The following APOBEC3D variants were observed in gnomAD, a reference collection of about 807,000 sequenced individuals.
The protein encoded by APOBEC3D is apolipoprotein B mRNA editing enzyme catalytic subunit 3D, also known as DNA dC->dU-editing enzyme APOBEC-3D.
A neutral mutation model predicts 45.6 loss-of-function variants in APOBEC3D; 37 were observed. The ratio of observed to expected loss-of-function variants is 0.81; its 90% CI spans 0.62 to 1.07. The LOEUF is 1.07. Among genes scored for constraint, APOBEC3D ranks in the 50% least tolerant of loss-of-function variants. The probability of loss-of-function intolerance (pLI) is 0.00; values close to 1 mark genes in which losing one functional copy is unlikely to be tolerated. For missense variants in APOBEC3D, 496 were observed against 495.3 expected (o/e 1.00, Z -0.01); for synonymous variants, 175 against 180.7 (o/e 0.97, Z 0.25).
chr22:39,024,174 C>T lies in APOBEC3D; in HGVS notation c.211-896C>T, dbSNP rs79202937. On this transcript the variant is annotated intron_variant, in intron 2 of 6. Transcript: ENST00000216099. ...ACGCTGATTAACATAAAATTCTTCG[C>T]GAGATAGTGAAGTTTCTTTTTCTTC... is the stretch of plus-strand genomic sequence containing the variant. Among the ~76,000 whole-genome samples, 979 of 152,332 alleles carry T rather than the reference C, an allele frequency of 6.4e-3. 16 individuals carry two copies. The East Asian group carries it at 0.068, about 11-fold the overall frequency.
intron 1 of APOBEC3D, among the ~76,000 whole-genome samples, chr22:39,022,538 G>A (rs1317754304): frequency 1.3e-5 from 2 of 152,218 alleles, no homozygotes; most frequent in Non-Finnish European, 2.9e-5. Flanking sequence ...TTCCTAATGG[G>A]TTGGGGAGTG....
Position 39,025,304 on chromosome 22 carries a change from A to C in APOBEC3D, c.445A>C (p.Arg149=). The C allele has an allele frequency of 6.2e-7, 1 of 1,614,066 alleles. No individual in the cohort carries two copies. Among genetic ancestry groups the C allele is most frequent in the Non-Finnish European group, 8.5e-7 (1 of 1,179,998 alleles). ...TAGAGATTGGCGGTGGGTGCTCCTCAGGCTGCATAAGGCAGGGGCCCGTGT... is the reference window on the plus strand; with the variant it reads ...TAGAGATTGGCGGTGGGTGCTCCTCCGGCTGCATAAGGCAGGGGCCCGTGT... The part of the protein sequence containing the change: ...RDRDWRWVLL[R]LHKAGARVKI... The change falls in exon 3 of 7, where the codon AGG becomes CGG. Residue 149 remains arginine (R), a synonymous_variant. Transcript: ENST00000216099.
At chr22:39,029,145 G>A (rs2146325068) in intron 4 of APOBEC3D, among the ~76,000 whole-genome samples, 1 of 152,268 alleles carries the variant, frequency 6.6e-6, no homozygotes, top group South Asian at 2.1e-4. Context: ...CCCAGAGCTG[G>A]GGTTCCAGCT....
Position 39,032,410 on chromosome 22 carries a change from T to C in APOBEC3D, c.*94T>C. On this transcript the variant is annotated 3_prime_UTR_variant, in exon 7 of 7. Coordinates refer to ENST00000216099, the MANE Select transcript of APOBEC3D (RefSeq NM_152426.4). ...ATCCTGCACCAGCTGTGCTTTTGCC[T>C]GGTCATCCTGAGCCCCTCCTGGCCT... 1 of 1,552,368 alleles carries C rather than the reference T, an allele frequency of 6.4e-7. No individual in the cohort carries two copies. The highest frequency in any genetic ancestry group is 1.2e-5 in the South Asian group (1 of 81,672).
intron 5 of APOBEC3D, 127 bp downstream of exon 5, chr22:39,029,646 T>C: frequency 8.1e-7 from 1 of 1,235,192 alleles, no homozygotes; most frequent in East Asian, 2.6e-5. Context: ...TCTTTCTTTT[T>C]TTTTTTTTTA....
At chr22:39,025,823 T>A in intron 4 of APOBEC3D, 152 bp downstream of exon 4, 1 of 1,463,988 alleles carries the variant, frequency 6.8e-7, no homozygotes, top group South Asian at 1.3e-5. Flanking sequence ...TCATGCTCCC[T>A]CCACCTTGGT....
At chr22:39,022,420 A>G (rs1451594199) in intron 1 of APOBEC3D, among the ~76,000 whole-genome samples, 1 of 152,274 alleles carries the variant, frequency 6.6e-6, no homozygotes, top group Non-Finnish European at 1.5e-5. Context: ...CGGTTCTACC[A>G]TGATTTTAAA....
At position 39,021,476 on chromosome 22, in the gene APOBEC3D, A is replaced by C. The variant is rs774099387; in HGVS notation, c.-44A>C. 1.2e-6 allele frequency: 2 copies of C among 1,613,464 alleles called. No individual in the cohort carries two copies. Among genetic ancestry groups the C allele is most frequent in the South Asian group, 2.2e-5 (2 of 91,080 alleles). On this transcript the variant is annotated 5_prime_UTR_variant, in exon 1 of 7. Coordinates refer to ENST00000216099, the MANE Select transcript of APOBEC3D (RefSeq NM_152426.4). Reference sequence around the variant, plus strand: ...GCAGGAAGTGAAACCACAGCACTTCAAAAAAAGAGGGAGACTGGGACAAGC... The same window carrying C: ...GCAGGAAGTGAAACCACAGCACTTCCAAAAAAGAGGGAGACTGGGACAAGC...
At chr22:39,023,940 A>G (rs1029295208) in intron 2 of APOBEC3D, among the ~76,000 whole-genome samples, 1 of 151,492 alleles carries the variant, frequency 6.6e-6, no homozygotes, top group Non-Finnish European at 1.5e-5. Flanking sequence ...CCCTCCACCC[A>G]GGGAGGAGAC....
At chr22:39,024,047 A>C (rs1373200857) in intron 2 of APOBEC3D, among the ~76,000 whole-genome samples, 1 of 152,212 alleles carries the variant, frequency 6.6e-6, no homozygotes, top group African/African-American at 2.4e-5. Flanking sequence ...TCAGGAATGA[A>C]GCACAAGTGT....
chr22:39,031,725 G>A lies in APOBEC3D; in HGVS notation c.794G>A (p.Arg265Lys). The part of the protein sequence containing the change: ...VDPETHCHAE[R>K]CFLSWFCDDI... ...CCTGAGACCCATTGTCATGCAGAAA[G>A]GTGCTTCCTCTCTTGGTTCTGTGAC... Residue 265 changes from arginine (R) to lysine (K), a missense_variant, in exon 6 of 7, where the codon AGG becomes AAG. Physicochemically the swap from Arg to Lys is conservative, Grantham distance 26 (BLOSUM62 2). Transcript: ENST00000216099. 1.2e-6 allele frequency: 2 copies of A among 1,612,826 alleles called. No individual in the cohort carries two copies. Among genetic ancestry groups the A allele is most frequent in the Non-Finnish European group, 1.7e-6 (2 of 1,178,906 alleles).
At chr22:39,028,082 G>T (rs1211537476) in intron 4 of APOBEC3D, among the ~76,000 whole-genome samples, 1 of 152,124 alleles carries the variant, frequency 6.6e-6, no homozygotes, top group Non-Finnish European at 1.5e-5. Context: ...GAGAGGGTGT[G>T]GGGGAGGAAA....
At chr22:39,023,586 A>T (rs1925339965) in intron 2 of APOBEC3D, among the ~76,000 whole-genome samples, 1 of 151,666 alleles carries the variant, frequency 6.6e-6, no homozygotes, top group African/African-American at 2.4e-5. Context: ...AGCAGGGATT[A>T]CAGGTGCACG....
At chr22:39,029,747 G>A (rs1203975429) in intron 5 of APOBEC3D, among the ~76,000 whole-genome samples, 5 of 151,448 alleles carry the variant, frequency 3.3e-5, no homozygotes, top group East Asian at 1.9e-4. Context: ...ACAGGTGCCC[G>A]CCACCACACT....
Position 39,033,233 on chromosome 22 carries a change from T to TA in APOBEC3D, c.*918dup. 5 of 975,452 alleles carry TA rather than the reference T, an allele frequency of 5.1e-6. No individual in the cohort carries two copies. The highest frequency in any genetic ancestry group is 6.1e-6 in the Non-Finnish European group (5 of 821,002). 60.4% of individuals were successfully genotyped at this position (975,452 alleles called of 1,614,324 possible). On this transcript the variant is annotated 3_prime_UTR_variant, in exon 7 of 7. Coordinates refer to ENST00000216099, the MANE Select transcript of APOBEC3D (RefSeq NM_152426.4). ...CCCTGCCTGAAAATAAATCAATAAA[T>TA]ACACTCAACCTAAATGGATATGAAT...
intron 5 of APOBEC3D, 101 bp from the exon 6 acceptor site, chr22:39,031,593 C>T: frequency 6.7e-7 from 1 of 1,489,382 alleles, no homozygotes; most frequent in Non-Finnish European, 9.1e-7. Context: ...AAGAAAATGC[C>T]CTGGGGCTTC....
intron 1 of APOBEC3D, 100 bp from the exon 2 acceptor site, chr22:39,022,722 G>C: frequency 1.4e-6 from 2 of 1,453,938 alleles, no homozygotes; most frequent in African/African-American, 1.5e-5. Context: ...AGGGGTGGGG[G>C]AGGCCCAGGG....
At chr22:39,023,259 G>A (rs1206341050) in intron 2 of APOBEC3D, among the ~76,000 whole-genome samples, 1 of 151,860 alleles carries the variant, frequency 6.6e-6, no homozygotes, top group Admixed American at 6.6e-5. Context: ...GGGACTACAG[G>A]CGCGTGCTAC....
Position 39,033,248 on chromosome 22 carries a change from T to G in APOBEC3D, c.*932T>G, listed in dbSNP as rs1926408869. The G allele has an allele frequency of 1.0e-6, 1 of 977,944 alleles. No individual in the cohort carries two copies. Among genetic ancestry groups the G allele is most frequent in the South Asian group, 4.7e-5 (1 of 21,144 alleles). The allele number at this position is 977,944 out of a possible 1,614,324, so 60.6% of individuals were successfully genotyped here. A position where few individuals can be genotyped will look rare whatever the true frequency, so the allele number is the denominator to read the frequency against. On this transcript the variant is annotated 3_prime_UTR_variant, in exon 7 of 7. Transcript: ENST00000216099. ...AATCAATAAATACACTCAACCTAAA[T>G]GGATATGAATATATGTAAGTTGAAA...
Sources: allele counts gnomAD v4.1 joint callset (sites outside exome capture counted in the v4.1 genomes callset), GRCh38; gene constraint gnomAD v4.1.1; transcripts MANE v1.5; gene names NCBI Gene and HGNC (gene_info 2026-07-23, HGNC 2026-07-21).